Variants in ADAMTS20 observed in about 807,000 individuals in gnomAD.
The protein encoded by ADAMTS20 is ADAM metallopeptidase with thrombospondin type 1 motif 20, also known as A disintegrin and metalloproteinase with thrombospondin motifs 20.
A neutral mutation model predicts 260.1 loss-of-function variants in ADAMTS20; 225 were observed. The observed-to-expected ratio is 0.87, with a 90% confidence interval of 0.78 to 0.97. ADAMTS20 has a LOEUF of 0.97. Among genes scored for constraint, ADAMTS20 ranks in the 50% least tolerant of loss-of-function variants. The pLI is 0.00. For missense variants in ADAMTS20, 2,400 were observed against 2,337.7 expected (o/e 1.03, Z -0.55); for synonymous variants, 802 against 769.5 (o/e 1.04, Z -0.70).
chr12:43,535,070 A>G (rs1294808171), intron 2 of ADAMTS20, among the ~76,000 whole-genome samples: 1 of 152,180 alleles, frequency 6.6e-6, no homozygotes, highest in African/African-American at 2.4e-5. Context: ...CTAGGTAACT[A>G]CATACCCATC....
At chr12:43,427,981 G>T (rs574524319) in intron 26 of ADAMTS20, among the ~76,000 whole-genome samples, 1 of 152,024 alleles carries the variant, frequency 6.6e-6, no homozygotes, top group East Asian at 1.9e-4. Context: ...ATTTTCTTTT[G>T]TTTTTATTAC....
intron 29 of ADAMTS20, 24 bp from the exon 30 acceptor site, chr12:43,384,001 G>T: frequency 1.3e-6 from 2 of 1,571,376 alleles, no homozygotes; most frequent in South Asian, 2.4e-5. Context: ...CAGTTGATTT[G>T]AACAATTAGC....
intron 36 of ADAMTS20, among the ~76,000 whole-genome samples, chr12:43,372,305 A>C (rs1565668982): frequency 6.6e-6 from 1 of 152,174 alleles, no homozygotes; most frequent in Non-Finnish European, 1.5e-5. Flanking sequence ...GTCAAGAAAG[A>C]CACAAAACCA....
chr12:43,462,075 T>TTG (rs1490814582), intron 11 of ADAMTS20, among the ~76,000 whole-genome samples: 2 of 152,216 alleles, frequency 1.3e-5, no homozygotes, highest in African/African-American at 4.8e-5. Context: ...ATAGCTATTA[T>TTG]AAATATTTCA....
At chr12:43,524,964 A>C (rs768437305) in intron 3 of ADAMTS20, among the ~76,000 whole-genome samples, 2 of 152,210 alleles carry the variant, frequency 1.3e-5, no homozygotes, top group Non-Finnish European at 2.9e-5. Context: ...GTTTAAGAAA[A>C]TAATTGAGGA....
chr12:43,540,707 T>C (rs1943365474), intron 2 of ADAMTS20, among the ~76,000 whole-genome samples: 1 of 152,200 alleles, frequency 6.6e-6, no homozygotes, highest in African/African-American at 2.4e-5. Context: ...CATGACTATC[T>C]GCAGATGGGC....
chr12:43,371,646 G>A (rs756109426), intron 36 of ADAMTS20, among the ~76,000 whole-genome samples: 6 of 152,068 alleles, frequency 3.9e-5, no homozygotes, highest in Middle Eastern at 3.2e-3. Flanking sequence ...GAATGTTCCC[G>A]GCAGATGGAA....
intron 16 of ADAMTS20, among the ~76,000 whole-genome samples, chr12:43,443,558 AG>A (rs1276347664): frequency 6.6e-6 from 1 of 152,186 alleles, no homozygotes; most frequent in African/African-American, 2.4e-5. Context: ...AAAATACACG[AG>A]AAAAAAACTG....
chr12:43,472,686 A>G (rs1942285378), intron 7 of ADAMTS20, among the ~76,000 whole-genome samples: 1 of 145,136 alleles, frequency 6.9e-6, no homozygotes, highest in Non-Finnish European at 1.5e-5. Flanking sequence ...AATATTCAAC[A>G]TTCTTAAAGA....
chr12:43,461,913 G>T lies in ADAMTS20; in HGVS notation c.1614+982C>A, dbSNP rs538751354. ...ACTTTCGTCCTAAAATTACAAAAAG[G>T]TTATTAGTGTGTTAGATGATTTCAA... On this transcript the variant is annotated intron_variant, in intron 11 of 38. Transcript: ENST00000389420. Among the ~76,000 whole-genome samples, 4 of 152,272 alleles carry T rather than the reference G, an allele frequency of 2.6e-5. No individual in the cohort carries two copies. In the South Asian group the frequency reaches 8.3e-4, roughly 32 times the overall value.
intron 18 of ADAMTS20, among the ~76,000 whole-genome samples, chr12:43,435,056 T>C (rs1941524363): frequency 6.6e-6 from 1 of 152,198 alleles, no homozygotes; most frequent in African/African-American, 2.4e-5. Context: ...CAAAGAGATT[T>C]GTAGGGCAGT....
At chr12:43,404,333 T>A (rs1003600935) in intron 28 of ADAMTS20, among the ~76,000 whole-genome samples, 3 of 152,120 alleles carry the variant, frequency 2.0e-5, no homozygotes, top group African/African-American at 7.2e-5. Flanking sequence ...GGATCTTGCA[T>A]CAACTTACTG....
At position 43,383,722 on chromosome 12, in the gene ADAMTS20, T is replaced by C. The variant is rs761478542; in HGVS notation, c.4633A>G (p.Thr1545Ala). The change falls in exon 31 of 39, where the codon ACA (threonine) becomes GCA (alanine). Residue 1545 changes from threonine to alanine, a missense_variant. By Grantham distance (58) the Thr-to-Ala change is moderately conservative. Coordinates refer to ENST00000389420, the MANE Select transcript of ADAMTS20 (RefSeq NM_025003.5). ...GMERGRLNCS[T>A]SCERKDSHQR... The stretch of plus-strand genomic sequence containing the variant: ...TGTGAATCTTTTCTCTCACATGATG[T>C]TGAACACTAGAAATGCAATAACCAA... 1 of 1,613,854 alleles carries C rather than the reference T, an allele frequency of 6.2e-7. No homozygotes were observed. Among genetic ancestry groups the C allele is most frequent in the Admixed American group, 1.7e-5 (1 of 60,008 alleles).
rs115984962 is a variant in ADAMTS20 at position 43,493,198 on chromosome 12, A to C, written c.923T>G (p.Val308Gly). ...CTCACGGTGAATCATAACTAATTTT[A>C]CCACTACTATGTGTATCAAATTTCC... ...SIGNLIHIVV[V>G]KLVMIHREEE... is the part of the protein sequence containing the mutation. The change falls in exon 5 of 39, where the codon GTA becomes GGA. Residue 308 changes from valine to glycine, a missense_variant. Val to Gly is a moderately radical substitution (Grantham distance 109). Coordinates refer to ENST00000389420, the MANE Select transcript of ADAMTS20 (RefSeq NM_025003.5). 293 of 1,563,242 alleles carry C rather than the reference A, an allele frequency of 1.9e-4. 1 individual carries two copies. The African/African-American group carries it at 3.6e-3, about 19-fold the overall frequency.
chr12:43,455,452 G>A (rs1472467330), intron 11 of ADAMTS20, among the ~76,000 whole-genome samples: 1 of 152,102 alleles, frequency 6.6e-6, no homozygotes, highest in East Asian at 1.9e-4. Flanking sequence ...AGAGAATGCT[G>A]GATCCTCACA....
At chr12:43,536,479 A>T (rs945360694) in intron 2 of ADAMTS20, among the ~76,000 whole-genome samples, 1 of 149,572 alleles carries the variant, frequency 6.7e-6, no homozygotes, top group African/African-American at 2.4e-5. Flanking sequence ...ATAAATAAAA[A>T]TATAATAGAA....
intron 28 of ADAMTS20, 68 bp from the exon 29 acceptor site, chr12:43,399,301 G>A: frequency 1.6e-6 from 2 of 1,221,288 alleles, no homozygotes; most frequent in Non-Finnish European, 2.2e-6. Context: ...TCTTAAAGAA[G>A]TACAAAATGT....
intron 11 of ADAMTS20, among the ~76,000 whole-genome samples, chr12:43,459,489 G>A (rs895295034): frequency 3.9e-5 from 6 of 152,282 alleles, no homozygotes; most frequent in East Asian, 1.9e-4. Context: ...GAGGCTTGCC[G>A]CCATCTTGGA....
At chr12:43,398,628 G>A (rs1021956212) in intron 29 of ADAMTS20, among the ~76,000 whole-genome samples, 4 of 152,070 alleles carry the variant, frequency 2.6e-5, no homozygotes, top group Non-Finnish European at 4.4e-5. Context: ...ATATTTTTCT[G>A]TTAGCCTGCA....
Sources: allele counts gnomAD v4.1 joint callset (sites outside exome capture counted in the v4.1 genomes callset), GRCh38; gene constraint gnomAD v4.1.1; transcripts MANE v1.5; gene names NCBI Gene and HGNC (gene_info 2026-07-23, HGNC 2026-07-21).